Variants in KMT2C observed in about 807,000 individuals in gnomAD.
The protein encoded by KMT2C is lysine methyltransferase 2C, also known as histone-lysine N-methyltransferase 2C.
KMT2C carries 88 observed loss-of-function variants against 507.9 expected under a neutral mutation model. The ratio of observed to expected loss-of-function variants is 0.17; its 90% CI spans 0.15 to 0.21. The LOEUF (loss-of-function observed/expected upper bound fraction) is 0.21. Ranked by LOEUF, KMT2C falls within the 10% of genes least tolerant of loss-of-function variation. The pLI, the probability that KMT2C is intolerant of heterozygous loss-of-function variation, is 1.00. For missense variants in KMT2C, 4,954 were observed against 5,957.8 expected (o/e 0.83, Z 5.55); for synonymous variants, 2,049 against 2,080.8 (o/e 0.98, Z 0.42).
chr7:152,222,903 C>CA (rs1181027558), intron 20 of KMT2C, among the ~76,000 whole-genome samples: 4 of 152,110 alleles, frequency 2.6e-5, no homozygotes, highest in South Asian at 4.1e-4. Context: ...AGAGAGGAAG[C>CA]AAAGCACATT....
At chr7:152,218,655 T>C (rs373889357) in intron 23 of KMT2C, among the ~76,000 whole-genome samples, 7 of 152,184 alleles carry the variant, frequency 4.6e-5, no homozygotes, top group East Asian at 1.9e-4. Flanking sequence ...TCCCATTCCA[T>C]TGCTATTAAG....
intron 21 of KMT2C, among the ~76,000 whole-genome samples, 158 bp from the exon 22 acceptor site, chr7:152,222,224 C>T (rs2094796148): frequency 6.6e-6 from 1 of 152,010 alleles, no homozygotes; most frequent in African/African-American, 2.4e-5. Context: ...AACAACAAAA[C>T]AAGAAGTGAT....
intron 2 of KMT2C, among the ~76,000 whole-genome samples, chr7:152,347,216 A>C (rs1446526249): frequency 6.6e-6 from 1 of 152,248 alleles, no homozygotes; most frequent in Non-Finnish European, 1.5e-5. Flanking sequence ...CCTGTTTACA[A>C]GACTGTCTAC....
intron 18 of KMT2C, among the ~76,000 whole-genome samples, chr7:152,227,420 G>C (rs2360925): frequency 5.9e-5 from 9 of 152,200 alleles, no homozygotes; most frequent in Admixed American, 5.2e-4. Context: ...TAATGGAGTA[G>C]GTGGGACCAG....
intron 1 of KMT2C, among the ~76,000 whole-genome samples, chr7:152,398,534 A>C (rs1040189711): frequency 6.6e-6 from 1 of 152,142 alleles, no homozygotes; most frequent in Non-Finnish European, 1.5e-5. Flanking sequence ...CAGGGAAAAG[A>C]GGGTCTTTCA....
In KMT2C at chr7:152,211,179, G is replaced by T. The variant is rs560153882; in HGVS notation, c.3713-3751C>A. On this transcript the variant is annotated intron_variant, in intron 23 of 58. Coordinates refer to ENST00000262189, the MANE Select transcript of KMT2C (RefSeq NM_170606.3). Reference sequence around the variant, plus strand: ...AAACGCAGGTCACATAGAGAGAACCGAGTTCTTCATATACTAGAAACTAAA... The same window carrying T: ...AAACGCAGGTCACATAGAGAGAACCTAGTTCTTCATATACTAGAAACTAAA... 2.6e-5 allele frequency among the ~76,000 whole-genome samples: 4 copies of T among 152,300 alleles called. No individual in the cohort carries two copies. The South Asian group carries it at 8.3e-4, about 32-fold the overall frequency.
intron 9 of KMT2C, among the ~76,000 whole-genome samples, chr7:152,256,132 T>G (rs1210943971): frequency 6.6e-6 from 1 of 152,128 alleles, no homozygotes; most frequent in Non-Finnish European, 1.5e-5. Context: ...ATTGAGCCAC[T>G]GCACTCCAGC....
In KMT2C at chr7:152,149,161, C is replaced by A. The variant is rs767298121; in HGVS notation, c.12775-9G>T. On this transcript the variant is annotated splice_polypyrimidine_tract_variant and intron_variant, in intron 51 of 58. Coordinates refer to ENST00000262189, the MANE Select transcript of KMT2C (RefSeq NM_170606.3). ...AATGAAGGAATGGATTCCTGGGCAACATAAAGAAACCATGACAAAGAAAAA... is the reference window on the plus strand; with the variant it reads ...AATGAAGGAATGGATTCCTGGGCAAAATAAAGAAACCATGACAAAGAAAAA... The A allele has an allele frequency of 2.8e-6, 4 of 1,447,898 alleles. No homozygotes were observed. In the South Asian group the frequency reaches 7.1e-5, roughly 26 times the overall value. 89.7% of individuals were successfully genotyped at this position (1,447,898 alleles called of 1,614,324 possible). A position where few individuals can be genotyped will look rare whatever the true frequency, so the allele number is the denominator to read the frequency against.
At chr7:152,233,196 G>T (rs1002534335) in intron 16 of KMT2C, among the ~76,000 whole-genome samples, 4 of 152,106 alleles carry the variant, frequency 2.6e-5, no homozygotes, top group African/African-American at 9.7e-5. Flanking sequence ...GTATCATCTA[G>T]CTTGAAGACC....
chr7:152,246,349 A>G (rs1299663533), intron 14 of KMT2C, among the ~76,000 whole-genome samples: 4 of 152,152 alleles, frequency 2.6e-5, no homozygotes, highest in Non-Finnish European at 5.9e-5. Context: ...GAAAAATAGA[A>G]AGATTATCAT....
chr7:152,302,679 T>C (rs147645399), intron 6 of KMT2C, among the ~76,000 whole-genome samples: 2 of 152,094 alleles, frequency 1.3e-5, no homozygotes, highest in East Asian at 3.9e-4. Context: ...TCCTGCTCTG[T>C]TGCCCAGGAT....
At chr7:152,385,485 G>A (rs1445386328) in intron 1 of KMT2C, among the ~76,000 whole-genome samples, 1 of 131,144 alleles carries the variant, frequency 7.6e-6, no homozygotes, top group Non-Finnish European at 1.5e-5. Flanking sequence ...AGTGGCGGGC[G>A]CCTGTAGTCC....
intron 2 of KMT2C, among the ~76,000 whole-genome samples, chr7:152,347,342 T>C (rs1482627983): frequency 6.6e-6 from 1 of 152,180 alleles, no homozygotes; most frequent in Non-Finnish European, 1.5e-5. Flanking sequence ...TAAGCATCAT[T>C]AGTGGCACTT....
At chr7:152,404,631 CAA>C (rs68171347) in intron 1 of KMT2C, among the ~76,000 whole-genome samples, 1 of 66,176 alleles carries the variant, frequency 1.5e-5, no homozygotes, top group East Asian at 3.4e-4. Flanking sequence ...ACTCAGGTCT[CAA>C]AAAAAAAAGA....
At chr7:152,331,691 C>A (rs1045399796) in intron 2 of KMT2C, among the ~76,000 whole-genome samples, 2 of 146,784 alleles carry the variant, frequency 1.4e-5, no homozygotes, top group Non-Finnish European at 3.0e-5. Flanking sequence ...TCTGTCCACC[C>A]AGGCTGGAAT....
chr7:152,174,718 G>T (rs2093119481), intron 38 of KMT2C, among the ~76,000 whole-genome samples: 1 of 152,154 alleles, frequency 6.6e-6, no homozygotes, highest in South Asian at 2.1e-4. Context: ...GGAGCAAAAT[G>T]ATGAAATTGG....
At chr7:152,361,030 A>G (rs2097192988) in intron 1 of KMT2C, among the ~76,000 whole-genome samples, 1 of 152,230 alleles carries the variant, frequency 6.6e-6, no homozygotes. Context: ...CCTATTGAAT[A>G]TAATCAGAAT....
intron 29 of KMT2C, 62 bp downstream of exon 29, chr7:152,194,378 T>A (rs2093901833): frequency 1.3e-6 from 2 of 1,526,428 alleles, no homozygotes; most frequent in Non-Finnish European, 1.8e-6. Flanking sequence ...CATGCAAAAA[T>A]CTTTAAAAAT....
intron 1 of KMT2C, among the ~76,000 whole-genome samples, chr7:152,404,631 C>CAAAAAAAAAAAAAAAAA (rs68171347): frequency 3.6e-4 from 24 of 66,034 alleles, no homozygotes; most frequent in African/African-American, 5.1e-4. Context: ...ACTCAGGTCT[C>CAAAAAAAAAAAAAAAAA]AAAAAAAAAA....
Sources: allele counts gnomAD v4.1 joint callset (sites outside exome capture counted in the v4.1 genomes callset), GRCh38; gene constraint gnomAD v4.1.1; transcripts MANE v1.5; gene names NCBI Gene and HGNC (gene_info 2026-07-23, HGNC 2026-07-21).